The following CFAP54 variants were observed in gnomAD, a reference collection of about 807,000 sequenced individuals.
CFAP54 encodes cilia- and flagella-associated protein 54.
A neutral mutation model predicts 370.4 loss-of-function variants in CFAP54; 290 were observed. The ratio of observed to expected loss-of-function variants is 0.78; its 90% confidence interval spans 0.71 to 0.86. The LOEUF (loss-of-function observed/expected upper bound fraction) is 0.86. Among genes scored for constraint, CFAP54 ranks in the 40% least tolerant of loss-of-function variants. The pLI, the probability that CFAP54 is intolerant of heterozygous loss-of-function variation, is 0.00. For synonymous variants in CFAP54, 1,206 were observed against 1,236.5 expected (o/e 0.98, Z 0.52); for missense variants, 3,399 against 3,528.7 (o/e 0.96, Z 0.93).
At chr12:96,663,664 T>A (rs1351127965) in intron 38 of CFAP54, among the ~76,000 whole-genome samples, 166 bp from the exon 39 acceptor site, 1 of 152,212 alleles carries the variant, frequency 6.6e-6, no homozygotes, top group Non-Finnish European at 1.5e-5. Context: ...GCTGCTTTTT[T>A]TCATGAAAGT....
chr12:96,654,930 A>G (rs1223304562), intron 36 of CFAP54, among the ~76,000 whole-genome samples: 1 of 151,512 alleles, frequency 6.6e-6, no homozygotes, highest in Non-Finnish European at 1.5e-5. Flanking sequence ...AGATTTGTCA[A>G]TTCAGTGAAA....
At chr12:96,792,038 A>G (rs921044327) in intron 62 of CFAP54, among the ~76,000 whole-genome samples, 1 of 151,824 alleles carries the variant, frequency 6.6e-6, no homozygotes, top group Non-Finnish European at 1.5e-5. Context: ...CTTTAGTAGA[A>G]GCGAGGTTTC....
intron 50 of CFAP54, among the ~76,000 whole-genome samples, chr12:96,733,548 T>TG (rs1957947461): frequency 6.6e-6 from 1 of 151,504 alleles, no homozygotes; most frequent in African/African-American, 2.4e-5. Context: ...GTGGGTTTTT[T>TG]TTTTTTTTTT....
intron 46 of CFAP54, among the ~76,000 whole-genome samples, chr12:96,704,338 A>G (rs1957522594): frequency 6.7e-6 from 1 of 150,040 alleles, no homozygotes; most frequent in Non-Finnish European, 1.5e-5. Flanking sequence ...GAGGCAGGAG[A>G]ATGGTGTGAA....
intron 66 of CFAP54, among the ~76,000 whole-genome samples, chr12:96,857,498 C>T (rs183568710): frequency 1.5e-3 from 221 of 152,266 alleles, no homozygotes; most frequent in Non-Finnish European, 2.2e-3. Flanking sequence ...CATAGTATTC[C>T]ATGGCGTATA....
chr12:96,621,875 G>GTTTTTGTTTTTTTT (rs1956496574), intron 27 of CFAP54, among the ~76,000 whole-genome samples, 154 bp downstream of exon 27: 2 of 50,022 alleles, frequency 4.0e-5, no homozygotes, highest in Non-Finnish European at 6.6e-5. Flanking sequence ...TTTTGGGTTT[G>GTTTTTGTTTTTTTT]TTTTTTTTTT....
At chr12:96,515,352 G>A (rs1023931295) in intron 5 of CFAP54, among the ~76,000 whole-genome samples, 3 of 151,492 alleles carry the variant, frequency 2.0e-5, no homozygotes, top group African/African-American at 7.3e-5. Context: ...GTGGGATGGG[G>A]ATGGGAGGTG....
Position 96,742,595 on chromosome 12 carries a change from A to G in CFAP54, c.7219+9A>G. 1 of 1,606,822 alleles carries G rather than the reference A, an allele frequency of 6.2e-7. No individual in the cohort carries two copies. The highest frequency in any genetic ancestry group is 8.5e-7 in the Non-Finnish European group (1 of 1,176,836). On this transcript the variant is annotated intron_variant, in intron 52 of 67. Coordinates refer to ENST00000524981, the MANE Select transcript of CFAP54 (RefSeq NM_001306084.2). ...CATTGGAATTGTGAAAGGTACAAACATTTGCTTAATCAATGTTTTCATAAA... is the reference window on the plus strand; with the variant it reads ...CATTGGAATTGTGAAAGGTACAAACGTTTGCTTAATCAATGTTTTCATAAA...
chr12:96,495,515 T>C (rs935888029), intron 1 of CFAP54, among the ~76,000 whole-genome samples: 6 of 151,204 alleles, frequency 4.0e-5, no homozygotes, highest in Non-Finnish European at 7.4e-5. Context: ...GAGACGGGAT[T>C]TCGTGATGTT....
intron 40 of CFAP54, among the ~76,000 whole-genome samples, chr12:96,681,139 T>G (rs1592705889): frequency 6.7e-6 from 1 of 148,860 alleles, no homozygotes; most frequent in African/African-American, 2.5e-5. Flanking sequence ...ACACAAAAAG[T>G]GGGTAAGGGC....
chr12:96,637,258 G>A (rs929340658), intron 32 of CFAP54, among the ~76,000 whole-genome samples: 9 of 152,154 alleles, frequency 5.9e-5, no homozygotes, highest in African/African-American at 2.2e-4. Flanking sequence ...AATATTTCAT[G>A]GTATGGATAC....
chr12:96,592,707 G>GT (rs1228578232), intron 24 of CFAP54, 70 bp downstream of exon 24: 4 of 497,542 alleles, frequency 8.0e-6, no homozygotes, highest in African/African-American at 4.0e-5. Context: ...TTAAGATCAT[G>GT]TTTTTTGAGT....
intron 63 of CFAP54, among the ~76,000 whole-genome samples, chr12:96,809,467 A>G (rs953965867): frequency 6.6e-6 from 1 of 152,032 alleles, no homozygotes; most frequent in African/African-American, 2.4e-5. Flanking sequence ...ATTTTTAAGT[A>G]GTCTTCCTTG....
At chr12:96,823,109 C>T (rs1292148061) in intron 65 of CFAP54, among the ~76,000 whole-genome samples, 1 of 136,206 alleles carries the variant, frequency 7.3e-6, no homozygotes, top group East Asian at 2.2e-4. Context: ...TTACATAGAT[C>T]GTGTGTGTTT....
intron 48 of CFAP54, 29 bp downstream of exon 48, chr12:96,708,832 C>A: frequency 6.5e-7 from 1 of 1,542,670 alleles, no homozygotes; most frequent in Admixed American, 1.8e-5. Flanking sequence ...GCTTATTTCT[C>A]TTTCTCCTCC....
Position 96,536,626 on chromosome 12 carries a change from CTTTTTTTT to C in CFAP54, c.1791+1037_1791+1044del, listed in dbSNP as rs10638883. On this transcript the variant is annotated intron_variant, in intron 12 of 67. Transcript: ENST00000524981. ...TGTTTTTCTTTGTCTTTTTCTTTTT[CTTTTTTTT>C]TTTTTTTTTTGAGACAGAGTCTCAC... Among the ~76,000 whole-genome samples, 315 of 138,164 alleles carry C rather than the reference CTTTTTTTT, an allele frequency of 2.3e-3. 1 individual carries two copies. The highest frequency in any genetic ancestry group is 4.0e-3 in the Non-Finnish European group (260 of 64,318). The allele number at this position is 138,164 out of a possible 152,430, so 90.6% of individuals were successfully genotyped here. A position where few individuals can be genotyped will look rare whatever the true frequency, so the allele number is the denominator to read the frequency against.
intron 39 of CFAP54, among the ~76,000 whole-genome samples, chr12:96,666,740 T>C (rs1833468): frequency 0.89 from 134,706 of 152,194 alleles, 59,856 homozygotes; most frequent in East Asian, 0.96. Flanking sequence ...TGGGTGGGGA[T>C]ACAGCCAAAC....
chr12:96,794,213 C>T (rs1958733595), intron 63 of CFAP54, among the ~76,000 whole-genome samples: 1 of 152,088 alleles, frequency 6.6e-6, no homozygotes, highest in South Asian at 2.1e-4. Context: ...TGACTATGTG[C>T]TTAGATGGTG....
chr12:96,640,606 C>G (rs1956715464), intron 32 of CFAP54, among the ~76,000 whole-genome samples: 1 of 152,200 alleles, frequency 6.6e-6, no homozygotes, highest in South Asian at 2.1e-4. Context: ...AAAAAAGAGC[C>G]TGCATTGCCA....
Sources: gnomAD v4.1 joint callset for allele counts (sites outside exome capture counted in the v4.1 genomes callset) on GRCh38, gnomAD v4.1.1 for gene constraint, MANE v1.5 for transcripts, NCBI Gene and HGNC (gene_info 2026-07-23, HGNC 2026-07-21) for gene names.